Variants in HYCC1 observed in about 807,000 individuals in gnomAD.
HYCC1 encodes hyccin.
the HYCC1 span, chr7:22,940,430 T>G: frequency 6.6e-6 from 1 of 152,062 alleles, no homozygotes; most frequent in Non-Finnish European, 1.5e-5. Context: ...TTTTGTATTT[T>G]TAGTAGAGAT....
the HYCC1 span, among the ~76,000 whole-genome samples, chr7:22,927,842 A>G: frequency 6.6e-6 from 1 of 152,262 alleles, no homozygotes; most frequent in Non-Finnish European, 1.5e-5. Context: ...TTATGAGGCC[A>G]GCATCATCCT....
At chr7:23,000,953 G>A in the HYCC1 span, among the ~76,000 whole-genome samples, 1 of 151,478 alleles carries the variant, frequency 6.6e-6, no homozygotes, top group Non-Finnish European at 1.5e-5. Flanking sequence ...ACTTTTCAGA[G>A]CCTTTAATAT....
At chr7:22,907,104 C>CAAAAGAAAAAAA in the HYCC1 span, among the ~76,000 whole-genome samples, 1 of 43,540 alleles carries the variant, frequency 2.3e-5, no homozygotes, top group African/African-American at 9.8e-5. Flanking sequence ...GACTCTATCT[C>CAAAAGAAAAAAA]AAAAAAAAAA....
At chr7:22,973,354 A>G in the HYCC1 span, among the ~76,000 whole-genome samples, 2,199 of 152,330 alleles carry the variant, frequency 0.014, 58 homozygotes, top group African/African-American at 0.051. Flanking sequence ...TAATTAGAAT[A>G]TCTGATAAAT....
the HYCC1 span, among the ~76,000 whole-genome samples, chr7:23,005,973 T>C: frequency 6.6e-6 from 1 of 152,224 alleles, no homozygotes; most frequent in South Asian, 2.1e-4. Context: ...TCTTAACTAC[T>C]AATGTGTACA....
the HYCC1 span, chr7:22,945,615 T>C: frequency 6.2e-7 from 1 of 1,612,072 alleles, no homozygotes; most frequent in South Asian, 1.1e-5. Flanking sequence ...GTAATGCTAA[T>C]ACTAGGAGGT....
chr7:22,989,526 AT>A, the HYCC1 span, among the ~76,000 whole-genome samples: 95,937 of 147,908 alleles, frequency 0.65, 30,859 homozygotes, highest in Non-Finnish European at 0.66. Flanking sequence ...TTATTTATTT[AT>A]TTTTTTTTTT....
the HYCC1 span, among the ~76,000 whole-genome samples, chr7:22,912,093 C>T: frequency 7.9e-5 from 12 of 152,312 alleles, no homozygotes; most frequent in East Asian, 2.3e-3. Flanking sequence ...ACTCCAAGGA[C>T]CCACTTTCTG....
the HYCC1 span, among the ~76,000 whole-genome samples, chr7:22,947,624 C>T: frequency 1.3e-5 from 2 of 151,978 alleles, no homozygotes; most frequent in Non-Finnish European, 2.9e-5. Context: ...ATGGTGACCA[C>T]CTGAATTTAT....
the HYCC1 span, among the ~76,000 whole-genome samples, chr7:22,966,010 A>G: frequency 6.6e-6 from 1 of 152,216 alleles, no homozygotes; most frequent in Admixed American, 6.5e-5. Flanking sequence ...CCAACACAGG[A>G]GACCAATTAT....
At chr7:22,982,034 G>C in the HYCC1 span, among the ~76,000 whole-genome samples, 1 of 152,114 alleles carries the variant, frequency 6.6e-6, no homozygotes, top group East Asian at 1.9e-4. Context: ...AAGTAGCCTA[G>C]TTAAAACATA....
At chr7:22,905,569 T>TA in the HYCC1 span, among the ~76,000 whole-genome samples, 3 of 151,838 alleles carry the variant, frequency 2.0e-5, no homozygotes, top group South Asian at 2.1e-4. Flanking sequence ...CATCTTTACT[T>TA]AATTTCTTCT....
the HYCC1 span, among the ~76,000 whole-genome samples, chr7:23,011,790 T>C: frequency 2.6e-5 from 4 of 152,212 alleles, no homozygotes; most frequent in African/African-American, 7.2e-5. Flanking sequence ...TCAGGCCTCC[T>C]TGCCTTCTCA....
chr7:22,997,900 C>A, the HYCC1 span, among the ~76,000 whole-genome samples: 1 of 152,166 alleles, frequency 6.6e-6, no homozygotes, highest in Admixed American at 6.5e-5. Context: ...CATCTTTTGC[C>A]TACCCCAAGG....
the HYCC1 span, chr7:22,939,826 T>G: frequency 3.3e-5 from 5 of 152,330 alleles, no homozygotes; most frequent in East Asian, 7.7e-4. Flanking sequence ...AAAATGGGGA[T>G]TCTATGCACT....
chr7:22,917,649 G>A, the HYCC1 span, among the ~76,000 whole-genome samples: 4 of 152,254 alleles, frequency 2.6e-5, no homozygotes, highest in Admixed American at 2.6e-4. Flanking sequence ...TAATTCCTGG[G>A]TTTGGCCTTC....
At chr7:22,896,628 C>CA in the HYCC1 span, among the ~76,000 whole-genome samples, 32 of 150,658 alleles carry the variant, frequency 2.1e-4, no homozygotes, top group African/African-American at 2.7e-4. Context: ...TGCATGCATT[C>CA]AAAAAAAAAT....
the HYCC1 span, among the ~76,000 whole-genome samples, chr7:22,957,166 GAATA>G: frequency 1.3e-5 from 2 of 151,794 alleles, no homozygotes; most frequent in Non-Finnish European, 2.9e-5. Context: ...TAATAAAAGA[GAATA>G]AATATCCATT....
chr7:22,998,280 C>A, the HYCC1 span, among the ~76,000 whole-genome samples: 1 of 152,116 alleles, frequency 6.6e-6, no homozygotes, highest in African/African-American at 2.4e-5. Flanking sequence ...ATTTCTATTG[C>A]AAATATTCTC....
Sources: gnomAD v4.1 joint callset for allele counts (sites outside exome capture counted in the v4.1 genomes callset) on GRCh38, gnomAD v4.1.1 for gene constraint, MANE v1.5 for transcripts, NCBI Gene and HGNC (gene_info 2026-07-23, HGNC 2026-07-21) for gene names.